Variants in MGAT5B observed in about 807,000 individuals in gnomAD.
The protein encoded by MGAT5B is alpha-1,6-mannosylglycoprotein 6-beta-N-acetylglucosaminyltransferase B, also known as N-acetylglucosaminyl-transferase Vb.
A neutral mutation model predicts 95.1 loss-of-function variants in MGAT5B; 54 were observed. The ratio of observed to expected loss-of-function variants is 0.57; its 90% confidence interval spans 0.46 to 0.71. MGAT5B has a LOEUF of 0.71. Among genes scored for constraint, MGAT5B ranks in the 30% least tolerant of loss-of-function variants. MGAT5B has a pLI of 0.00. For missense variants in MGAT5B, 935 were observed against 1,088.6 expected (o/e 0.86, Z 1.99); for synonymous variants, 464 against 451.0 (o/e 1.03, Z -0.36).
rs529521115 is a variant in MGAT5B, at chr17:76,929,383, C to A, written c.1291+2653C>A. On this transcript the variant is annotated intron_variant, in intron 10 of 17. Coordinates refer to ENST00000569840, the MANE Select transcript of MGAT5B (RefSeq NM_001199172.2). ...CTTCAAAACCTCAAGTGAAATGTCTCCTCTTTTTACCATCACTTTCACTGA... is the reference window on the plus strand; with the variant it reads ...CTTCAAAACCTCAAGTGAAATGTCTACTCTTTTTACCATCACTTTCACTGA... 2.6e-5 allele frequency among the ~76,000 whole-genome samples: 4 copies of A among 152,350 alleles called. No homozygotes were observed. The East Asian group carries it at 7.7e-4, about 29-fold the overall frequency.
Position 76,948,837 on chromosome 17 carries a change from G to A in MGAT5B, c.2378G>A (p.Ter793=). 3 of 1,590,194 alleles carry A rather than the reference G, an allele frequency of 1.9e-6. No individual in the cohort carries two copies. The highest frequency in any genetic ancestry group is 2.0e-4 in the Middle Eastern group (1 of 4,974). ...GQVALCQGCL[*] is the part of the protein sequence containing the mutation. ...GTGGCCTTGTGCCAGGGCTGTCTGT[G>A]AATCCGCCTCTGCCGCCCTGCCTGG... Residue 793 remains the stop codon, a stop_retained_variant, in exon 18 of 18, where the codon TGA becomes TAA. Transcript: ENST00000569840.
chr17:76,875,804 G>A (rs975214109), intron 2 of MGAT5B, among the ~76,000 whole-genome samples: 4 of 152,008 alleles, frequency 2.6e-5, no homozygotes, highest in African/African-American at 4.8e-5. Context: ...TTCAGTGCAC[G>A]TCTTTTGGTA....
intron 9 of MGAT5B, among the ~76,000 whole-genome samples, chr17:76,926,360 A>C (rs1439259569): frequency 6.6e-6 from 1 of 152,164 alleles, no homozygotes; most frequent in Admixed American, 6.5e-5. Flanking sequence ...GCTTCCCTAC[A>C]ACCCTGAGAC....
intron 2 of MGAT5B, among the ~76,000 whole-genome samples, chr17:76,876,207 C>T (rs934772900): frequency 2.0e-5 from 3 of 152,150 alleles, no homozygotes; most frequent in Non-Finnish European, 4.4e-5. Context: ...GTGCCTGGGG[C>T]AGCCCTGCAG....
chr17:76,903,237 C>T (rs568099032), intron 4 of MGAT5B, 66 bp from the exon 5 acceptor site: 39 of 1,311,846 alleles, frequency 3.0e-5, no homozygotes, highest in Non-Finnish European at 4.2e-5. Context: ...GCCTCCCGCA[C>T]GCAGGCCTCC....
intron 3 of MGAT5B, among the ~76,000 whole-genome samples, chr17:76,891,831 G>T (rs1053129423): frequency 6.6e-6 from 1 of 152,148 alleles, no homozygotes; most frequent in Non-Finnish European, 1.5e-5. Flanking sequence ...GGCTCAGAGA[G>T]GCTTGTGGGT....
At chr17:76,948,395 G>C (rs967208450) in intron 17 of MGAT5B, among the ~76,000 whole-genome samples, 1 of 152,198 alleles carries the variant, frequency 6.6e-6, no homozygotes, top group South Asian at 2.1e-4. Context: ...GCTGTCCCAG[G>C]TGCTCCTCCT....
chr17:76,889,243 C>G lies in MGAT5B; in HGVS notation c.329+6945C>G, dbSNP rs999694747. Among the ~76,000 whole-genome samples the G allele has an allele frequency of 6.6e-6, 1 of 152,138 alleles. No homozygotes were observed. Among genetic ancestry groups the G allele is most frequent in the Non-Finnish European group, 1.5e-5 (1 of 68,020 alleles). ...ACCTTGGGAAAGCCACTATATCTGC[C>G]AGACATCCTGGGACCTTGGGACCCA... On this transcript the variant is annotated intron_variant, in intron 3 of 17. Coordinates refer to ENST00000569840, the MANE Select transcript of MGAT5B (RefSeq NM_001199172.2). The surrounding 1 kb of genome is among the most constrained non-coding windows in gnomAD (Gnocchi z 4.4).
chr17:76,923,903 A>T (rs1969206101), intron 8 of MGAT5B: 1 of 151,992 alleles, frequency 6.6e-6, no homozygotes, highest in Admixed American at 6.6e-5. Flanking sequence ...TGGAGTGGGG[A>T]TGGGAACGTG....
At position 76,948,703 on chromosome 17, in the gene MGAT5B, G is replaced by A; in HGVS notation, c.2244G>A (p.Gln748=). Residue 748 remains glutamine (Q), a synonymous_variant, in exon 18 of 18, where the codon CAG becomes CAA. Coordinates refer to ENST00000569840, the MANE Select transcript of MGAT5B (RefSeq NM_001199172.2). ...EMNHLYPAFA[Q]PGQECYLQKE... is the part of the protein sequence containing the mutation. ...ACCACCTGTACCCGGCGTTCGCCCA[G>A]CCTGGCCAGGAGTGCTACCTGCAGA... The A allele has an allele frequency of 6.2e-7, 1 of 1,613,500 alleles. No homozygotes were observed.
At chr17:76,880,500 G>A (rs1377223096) in intron 2 of MGAT5B, among the ~76,000 whole-genome samples, 1 of 152,188 alleles carries the variant, frequency 6.6e-6, no homozygotes, top group Non-Finnish European at 1.5e-5. Flanking sequence ...TGCAGAAGCC[G>A]CTGGCTGCCC....
chr17:76,932,512 C>A, intron 10 of MGAT5B, 133 bp from the exon 11 acceptor site: 2 of 1,320,354 alleles, frequency 1.5e-6, no homozygotes, highest in Non-Finnish European at 2.1e-6. Context: ...ACACCCTCCC[C>A]ACCGCACCCT....
In MGAT5B at chr17:76,947,866, G is replaced by A. The variant is rs1970082034; in HGVS notation, c.1960G>A (p.Ala654Thr). 2 of 1,594,650 alleles carry A rather than the reference G, an allele frequency of 1.3e-6. No homozygotes were observed. Among genetic ancestry groups the A allele is most frequent in the Non-Finnish European group, 1.7e-6 (2 of 1,167,042 alleles). The change falls in exon 17 of 18, where the codon GCC becomes ACC. Residue 654 changes from alanine to threonine, a missense_variant. Transcript: ENST00000569840. The part of the protein sequence containing the change: ...CRAPDPALPE[A>T]HAPQSPFVLA... ...AGCTCCAGACCCTGCCCTACCAGAGGCCCACGCCCCGCAGAGCCCCTTTGT... is the reference window on the plus strand; with the variant it reads ...AGCTCCAGACCCTGCCCTACCAGAGACCCACGCCCCGCAGAGCCCCTTTGT...
intron 8 of MGAT5B, among the ~76,000 whole-genome samples, chr17:76,910,393 A>G (rs1968692117): frequency 6.6e-6 from 1 of 152,178 alleles, no homozygotes; most frequent in Non-Finnish European, 1.5e-5. Context: ...AGGTGTATAC[A>G]CTCATGCAGC....
At chr17:76,925,285 CAAT>C (rs1337361259) in intron 9 of MGAT5B, among the ~76,000 whole-genome samples, 188 bp downstream of exon 9, 1 of 68,924 alleles carries the variant, frequency 1.5e-5, no homozygotes, top group African/African-American at 6.1e-5. Flanking sequence ...CCGGCTAACT[CAAT>C]GATATTTAAT....
rs2145251019 is a variant in MGAT5B, at chr17:76,930,207, A to C, written c.1292-2438A>C. Among the ~76,000 whole-genome samples the C allele has an allele frequency of 6.6e-6, 1 of 151,796 alleles. No homozygotes were observed. The highest frequency in any genetic ancestry group is 1.5e-5 in the Non-Finnish European group (1 of 67,902). On this transcript the variant is annotated intron_variant, in intron 10 of 17. Coordinates refer to ENST00000569840, the MANE Select transcript of MGAT5B (RefSeq NM_001199172.2). This position sits in a 1 kb window ranked among gnomAD's most constrained non-coding sequence, Gnocchi z 4.1. ...CGTTTGGTTCTGTAGTTGAATTTTC[A>C]GGCCCAAGAATCTGTGAGCTTTGGG...
At chr17:76,898,610 T>G (rs1242106787) in intron 3 of MGAT5B, among the ~76,000 whole-genome samples, 1 of 152,148 alleles carries the variant, frequency 6.6e-6, no homozygotes, top group Non-Finnish European at 1.5e-5. Context: ...GCCCATAATC[T>G]TTTTTATTTG....
At position 76,915,405 on chromosome 17, in the gene MGAT5B, G is replaced by A. The variant is rs1230187443; in HGVS notation, c.1025+9218G>A. ...TCTATTTTATCTTCGATGCCGGAGG[G>A]GAGAGCATTTCCCACAAGCCAGGTG... On this transcript the variant is annotated intron_variant, in intron 8 of 17. Coordinates refer to ENST00000569840, the MANE Select transcript of MGAT5B (RefSeq NM_001199172.2). This position sits in a 1 kb window ranked among gnomAD's most constrained non-coding sequence, Gnocchi z 8.7. 1.3e-5 allele frequency among the ~76,000 whole-genome samples: 2 copies of A among 152,072 alleles called. No homozygotes were observed. The highest frequency in any genetic ancestry group is 4.8e-5 in the African/African-American group (2 of 41,382).
intron 8 of MGAT5B, among the ~76,000 whole-genome samples, chr17:76,923,130 C>T (rs12946881): frequency 0.5 from 76,497 of 151,908 alleles, 19,938 homozygotes; most frequent in Non-Finnish European, 0.58. Flanking sequence ...CGGGATGGTG[C>T]GCACAGTCCC....
Sources: allele counts gnomAD v4.1 joint callset (sites outside exome capture counted in the v4.1 genomes callset), GRCh38; gene constraint gnomAD v4.1.1; non-coding constraint Gnocchi (gnomAD v3.1); transcripts MANE v1.5; gene names NCBI Gene and HGNC (gene_info 2026-07-23, HGNC 2026-07-21).